The following RRM1 variants were observed in gnomAD, a reference collection of about 807,000 sequenced individuals.
The protein encoded by RRM1 is ribonucleoside-diphosphate reductase large subunit.
A neutral mutation model predicts 101.5 loss-of-function variants in RRM1; 19 were observed. The ratio of observed to expected loss-of-function variants is 0.19; its 90% confidence interval spans 0.13 to 0.27. The LOEUF (loss-of-function observed/expected upper bound fraction) is 0.27, where lower values mean the gene tolerates loss of function less well. Among genes scored for constraint, RRM1 ranks in the 10% least tolerant of loss-of-function variants. The pLI, the probability that RRM1 is intolerant of heterozygous loss-of-function variation, is 1.00. For synonymous variants in RRM1, 298 were observed against 323.4 expected (o/e 0.92, Z 0.84); for missense variants, 500 against 962.9 (o/e 0.52, Z 6.36).
At chr11:4,121,984 C>A (rs2094582570) in intron 10 of RRM1, 157 bp from the exon 11 acceptor site, 1 of 679,492 alleles carries the variant, frequency 1.5e-6, no homozygotes, top group Non-Finnish European at 2.5e-6. Context: ...TATAAACAGG[C>A]AGACCTAGAT....
chr11:4,135,211 C>T lies in RRM1; in HGVS notation c.2131C>T (p.His711Tyr), dbSNP rs759510866. 1.2e-6 allele frequency: 2 copies of T among 1,613,602 alleles called. No individual in the cohort carries two copies. The highest frequency in any genetic ancestry group is 1.1e-5 in the South Asian group (1 of 90,928). Reference protein sequence around the residue: ...FIDQSQSLNIHIAEPNYGKLT... With the variant: ...FIDQSQSLNIYIAEPNYGKLT... ...TGATCAAAGCCAATCTTTGAACATC[C>T]ACATTGCTGAGCCTAACTATGGCAA... Residue 711 changes from histidine (H) to tyrosine (Y), a missense_variant, in exon 18 of 19, where the codon CAC becomes TAC. His to Tyr is a moderately conservative substitution (Grantham distance 83). Coordinates refer to ENST00000300738, the MANE Select transcript of RRM1 (RefSeq NM_001033.5).
intron 14 of RRM1, 90 bp downstream of exon 14, chr11:4,127,346 T>A (rs1020935613): frequency 7.2e-6 from 5 of 697,874 alleles, no homozygotes; most frequent in Non-Finnish European, 1.1e-5. Context: ...ACATCCTAAT[T>A]CCTGGAACCT....
chr11:4,130,088 T>TATATATG, intron 15 of RRM1, among the ~76,000 whole-genome samples: 1 of 48,178 alleles, frequency 2.1e-5, no homozygotes, highest in East Asian at 6.3e-4. Flanking sequence ...ATATATATAT[T>TATATATG]TTTTTTTTTT....
chr11:4,115,269 A>G (rs2094571242), intron 7 of RRM1, among the ~76,000 whole-genome samples: 1 of 152,182 alleles, frequency 6.6e-6, no homozygotes, highest in Admixed American at 6.5e-5. Context: ...TGTAGAGATG[A>G]TAAGGATTTT....
chr11:4,124,884 C>G (rs1197844713), intron 12 of RRM1, among the ~76,000 whole-genome samples: 1 of 150,760 alleles, frequency 6.6e-6, no homozygotes, highest in African/African-American at 2.4e-5. Context: ...TCTGTGCAAC[C>G]ATTACCACTA....
At chr11:4,108,028 A>G (rs568329607) in intron 4 of RRM1, among the ~76,000 whole-genome samples, 68 of 152,326 alleles carry the variant, frequency 4.5e-4, no homozygotes, top group African/African-American at 1.6e-3. Context: ...TATATCTGTA[A>G]GATAAATCCC....
chr11:4,098,049 G>A (rs1326339877), intron 1 of RRM1, among the ~76,000 whole-genome samples: 4 of 152,092 alleles, frequency 2.6e-5, no homozygotes, highest in Non-Finnish European at 5.9e-5. Context: ...AACCATTGCA[G>A]TAAATGACAA....
At chr11:4,099,403 A>G (rs1187514086) in intron 1 of RRM1, 1 of 147,002 alleles carries the variant, frequency 6.8e-6, no homozygotes, top group African/African-American at 2.5e-5. Flanking sequence ...TTGGCCTCCC[A>G]AAGTGCTAGG....
At chr11:4,118,290 C>T (rs1455973237) in intron 7 of RRM1, 30 bp from the exon 8 acceptor site, 1 of 1,590,830 alleles carries the variant, frequency 6.3e-7, no homozygotes, top group South Asian at 1.1e-5. Context: ...CATTTCCTTG[C>T]TCTAAGTTGA....
intron 7 of RRM1, 47 bp from the exon 8 acceptor site, chr11:4,118,273 T>C (rs1565184735): frequency 4.5e-6 from 7 of 1,568,630 alleles, no homozygotes; most frequent in Non-Finnish European, 6.1e-6. Context: ...TTTTTGTGAC[T>C]CTGCTTCATT....
chr11:4,128,277 C>G (rs192659625), intron 14 of RRM1, among the ~76,000 whole-genome samples: 45 of 151,646 alleles, frequency 3.0e-4, no homozygotes, highest in African/African-American at 1.0e-3. Flanking sequence ...TCTGCTGCCT[C>G]AAGTCTCCCG....
Position 4,113,865 on chromosome 11 carries a change from G to A in RRM1, c.650+1803G>A, listed in dbSNP as rs574994949. On this transcript the variant is annotated intron_variant, in intron 7 of 18. Coordinates refer to ENST00000300738, the MANE Select transcript of RRM1 (RefSeq NM_001033.5). ...AAATGGGCCAGGCGTGGTGGCTCAC[G>A]CCTGTAATCCTAGCATGTTGGGAGG... 1.1e-4 allele frequency among the ~76,000 whole-genome samples: 17 copies of A among 152,286 alleles called. No individual in the cohort carries two copies. In the South Asian group the frequency reaches 3.1e-3, roughly 28 times the overall value.
At position 4,132,536 on chromosome 11, in the gene RRM1, A is replaced by G. The variant is rs2094602212; in HGVS notation, c.1905+115A>G. The G allele has an allele frequency of 1.0e-6, 1 of 994,620 alleles. No homozygotes were observed. Among genetic ancestry groups the G allele is most frequent in the East Asian group, 2.4e-5 (1 of 41,400 alleles). 61.6% of individuals were successfully genotyped at this position (994,620 alleles called of 1,614,324 possible). On this transcript the variant is annotated intron_variant, in intron 16 of 18. Transcript: ENST00000300738. This position sits in a 1 kb window ranked among gnomAD's most constrained non-coding sequence, Gnocchi z 4.1. ...TCTTAGTTTGGGTGCAAACTTTGATAAAGACAGTCATCTTCATCTCTAATA... is the reference window on the plus strand; with the variant it reads ...TCTTAGTTTGGGTGCAAACTTTGATGAAGACAGTCATCTTCATCTCTAATA...
chr11:4,111,524 C>T (rs1590718070), intron 5 of RRM1, 77 bp from the exon 6 acceptor site: 2 of 880,668 alleles, frequency 2.3e-6, no homozygotes, highest in Non-Finnish European at 3.5e-6. Flanking sequence ...AAAGAGATTG[C>T]CTTATTGTGG....
At chr11:4,130,299 C>A (rs1371994873) in intron 15 of RRM1, among the ~76,000 whole-genome samples, 1 of 151,546 alleles carries the variant, frequency 6.6e-6, no homozygotes, top group African/African-American at 2.4e-5. Context: ...TTCTTTTTCC[C>A]AGAGATAAGA....
rs779558568 is a variant in RRM1, at chr11:4,123,180, C to A, written c.1119-3C>A. ...ATTAAATAATATTATCTGTGCCTTT[C>A]AGTTATGAGAAACAAGGTCGTGTCC... is the stretch of plus-strand genomic sequence containing the variant. On this transcript the variant is annotated splice_region_variant and splice_polypyrimidine_tract_variant and intron_variant, in intron 11 of 18. Transcript: ENST00000300738. 3 of 1,611,766 alleles carry A rather than the reference C, an allele frequency of 1.9e-6. No individual in the cohort carries two copies. Among genetic ancestry groups the A allele is most frequent in the Non-Finnish European group, 1.7e-6 (2 of 1,177,988 alleles).
intron 14 of RRM1, among the ~76,000 whole-genome samples, chr11:4,128,022 C>T (rs2094592681): frequency 1.3e-5 from 2 of 152,266 alleles, no homozygotes; most frequent in South Asian, 4.1e-4. Context: ...TTCAAGGACT[C>T]ATGGCATCTT....
At chr11:4,107,908 T>C (rs568767843) in intron 4 of RRM1, among the ~76,000 whole-genome samples, 4 of 152,230 alleles carry the variant, frequency 2.6e-5, no homozygotes, top group African/African-American at 9.6e-5. Context: ...TTTGTAGATA[T>C]ATTGTCATTG....
chr11:4,111,404 CTG>C (rs749507054), intron 5 of RRM1, among the ~76,000 whole-genome samples, 195 bp from the exon 6 acceptor site: 3 of 140,096 alleles, frequency 2.1e-5, no homozygotes, highest in Non-Finnish European at 4.5e-5. Flanking sequence ...GAGCGAGACT[CTG>C]TCTCAAAAAA....
Sources: allele counts gnomAD v4.1 joint callset (sites outside exome capture counted in the v4.1 genomes callset), GRCh38; gene constraint gnomAD v4.1.1; non-coding constraint Gnocchi (gnomAD v3.1); transcripts MANE v1.5; gene names NCBI Gene and HGNC (gene_info 2026-07-23, HGNC 2026-07-21).